Variants in DHX32 observed in about 807,000 individuals in gnomAD.
DHX32 encodes putative pre-mRNA-splicing factor ATP-dependent RNA helicase DHX32.
In DHX32, 51 loss-of-function variants were observed where a neutral mutation model predicts 70.0. That is an observed-to-expected ratio of 0.73 (90% CI 0.58 to 0.92). The LOEUF (loss-of-function observed/expected upper bound fraction) is 0.92. DHX32 is among the 40% of genes least tolerant of loss of function. The probability of loss-of-function intolerance (pLI) is 0.00; values close to 1 mark genes in which losing one functional copy is unlikely to be tolerated. For missense variants in DHX32, 762 were observed against 891.8 expected (o/e 0.85, Z 1.85); for synonymous variants, 310 against 315.3 (o/e 0.98, Z 0.18).
intron 1 of DHX32, among the ~76,000 whole-genome samples, chr10:125,886,468 C>T (rs1276873641): frequency 1.3e-5 from 2 of 152,090 alleles, no homozygotes; most frequent in East Asian, 1.9e-4. Flanking sequence ...TGCATAGTTA[C>T]GTCCTTCATT....
At chr10:125,860,688 T>C (rs1254979489) in intron 2 of DHX32, among the ~76,000 whole-genome samples, 1 of 151,602 alleles carries the variant, frequency 6.6e-6, no homozygotes, top group Non-Finnish European at 1.5e-5. Context: ...CTAAGCTTAA[T>C]GAAAATAACT....
chr10:125,881,016 T>C lies in DHX32; in HGVS notation c.-192A>G. ...TGTTCTCCGTTGCTGTGTTACCCAC[T>C]GTGCTGGCTCACTACAGCACTCTTC... On this transcript the variant is annotated 5_prime_UTR_variant, in exon 1 of 11. Coordinates refer to ENST00000284690, the MANE Select transcript of DHX32 (RefSeq NM_018180.3). 1.6e-6 allele frequency: 1 copy of C among 628,762 alleles called. No homozygotes were observed. Among genetic ancestry groups the C allele is most frequent in the Non-Finnish European group, 2.7e-6 (1 of 373,260 alleles). The allele number at this position is 628,762 out of a possible 1,614,324, so 38.9% of individuals were successfully genotyped here. A position where few individuals can be genotyped will look rare whatever the true frequency, so the allele number is the denominator to read the frequency against.
At chr10:125,860,954 G>A (rs1406595525) in intron 2 of DHX32, among the ~76,000 whole-genome samples, 4 of 151,470 alleles carry the variant, frequency 2.6e-5, no homozygotes, top group Non-Finnish European at 4.4e-5. Context: ...AGATTTCACC[G>A]TGTTAGCCAG....
chr10:125,867,011 C>T lies in DHX32; in HGVS notation c.455G>A (p.Cys152Tyr). The change falls in exon 2 of 11, where the codon TGT (cysteine) becomes TAT (tyrosine). Residue 152 changes from cysteine (C) to tyrosine (Y), a missense_variant. Around this residue, in one of 3 missense-constraint regions of DHX32, gnomAD observed 394 missense variants for 473.1 expected, o/e 0.83. Transcript: ENST00000284690. ...CAACCTCAGGATTGTTTCGTTGGTA[C>T]AGCAGTTCTCGAAAGGGATCACGTA... ...VGYVIPFENC[C>Y]TNETILRYCT... is the part of the protein sequence containing the mutation. 6.2e-7 allele frequency: 1 copy of T among 1,613,878 alleles called. No individual in the cohort carries two copies. Among genetic ancestry groups the T allele is most frequent in the Non-Finnish European group, 8.5e-7 (1 of 1,179,836 alleles).
At chr10:125,861,048 G>A (rs1164612310) in intron 2 of DHX32, among the ~76,000 whole-genome samples, 2 of 151,212 alleles carry the variant, frequency 1.3e-5, no homozygotes, top group African/African-American at 4.9e-5. Flanking sequence ...CACCGCGCCC[G>A]GCCCCAATCC....
chr10:125,887,623 ATGTGTTTGTG>A (rs2134079515), intron 1 of DHX32, among the ~76,000 whole-genome samples: 1 of 151,618 alleles, frequency 6.6e-6, no homozygotes, highest in Non-Finnish European at 1.5e-5. Flanking sequence ...TTTACATTGT[ATGTGTTTGTG>A]TGTGTGTTTT....
chr10:125,882,632 C>T (rs552039200), upstream of DHX32, among the ~76,000 whole-genome samples: 1 of 152,168 alleles, frequency 6.6e-6, no homozygotes, highest in South Asian at 2.1e-4. Context: ...TAGCTCTTCC[C>T]AAGTAAAGTT....
upstream of DHX32, among the ~76,000 whole-genome samples, chr10:125,884,245 G>A (rs1944332006): frequency 1.3e-5 from 2 of 152,176 alleles, no homozygotes; most frequent in Admixed American, 1.3e-4. Context: ...TGCAACTGGT[G>A]TAAGCCATGT....
Position 125,836,445 on chromosome 10 carries a change from G to A in DHX32, c.*242C>T. On this transcript the variant is annotated 3_prime_UTR_variant, in exon 11 of 11. Coordinates refer to ENST00000284690, the MANE Select transcript of DHX32 (RefSeq NM_018180.3). ...CAAAATACCAGTTTTTTAAAATTTTGGTCAAATTATGAGTGGTTGATTTAA... is the reference window on the plus strand; with the variant it reads ...CAAAATACCAGTTTTTTAAAATTTTAGTCAAATTATGAGTGGTTGATTTAA... 1.4e-6 allele frequency: 2 copies of A among 1,422,648 alleles called. No individual in the cohort carries two copies. Among genetic ancestry groups the A allele is most frequent in the South Asian group, 1.6e-5 (1 of 60,784 alleles). The allele number at this position is 1,422,648 out of a possible 1,614,324, so 88.1% of individuals were successfully genotyped here.
intron 4 of DHX32, chr10:125,853,034 T>C (rs41305020): frequency 0.061 from 54,785 of 895,318 alleles, 2,155 homozygotes; most frequent in Middle Eastern, 0.12. Context: ...AGGATCTTGG[T>C]GGTCTCACCT....
intron 6 of DHX32, among the ~76,000 whole-genome samples, chr10:125,844,843 C>T (rs747627043): frequency 3.9e-5 from 6 of 152,234 alleles, no homozygotes; most frequent in Non-Finnish European, 7.3e-5. Context: ...CTTTATTAAG[C>T]TCGCTTGCCA....
At chr10:125,887,593 G>A (rs797020505) in intron 1 of DHX32, among the ~76,000 whole-genome samples, 1 of 151,814 alleles carries the variant, frequency 6.6e-6, no homozygotes, top group Non-Finnish European at 1.5e-5. Flanking sequence ...TTAAATTTCA[G>A]GTTACAGTCT....
chr10:125,893,608 T>C (rs917876104), intron 1 of DHX32, among the ~76,000 whole-genome samples: 7 of 152,182 alleles, frequency 4.6e-5, no homozygotes, highest in African/African-American at 1.7e-4. Context: ...GTGCAACAAA[T>C]TGAATGTAGA....
intron 6 of DHX32, among the ~76,000 whole-genome samples, chr10:125,847,945 C>T (rs765003507): frequency 2.0e-5 from 3 of 152,224 alleles, no homozygotes; most frequent in Admixed American, 6.5e-5. Context: ...CCCCACTCAC[C>T]TCCTGCTGTC....
At chr10:125,875,469 G>A (rs555895543) in intron 1 of DHX32, among the ~76,000 whole-genome samples, 1 of 152,258 alleles carries the variant, frequency 6.6e-6, no homozygotes, top group African/African-American at 2.4e-5. Context: ...GAACAACAAA[G>A]TAAGTAGGCT....
chr10:125,877,411 G>T (rs1249886798), intron 1 of DHX32, among the ~76,000 whole-genome samples: 2 of 152,138 alleles, frequency 1.3e-5, no homozygotes, highest in Non-Finnish European at 2.9e-5. Flanking sequence ...TTTAGGGCAG[G>T]TACAGTGGCT....
rs1470289215 is a variant in DHX32 at position 125,838,912 on chromosome 10, A to C, written c.1881+89T>G. ...GATTTTTAGTTTTACTTAATGTCAA[A>C]ATCATCATCCTAAGCCATTGTTGGC... On this transcript the variant is annotated intron_variant, in intron 9 of 10. Coordinates refer to ENST00000284690, the MANE Select transcript of DHX32 (RefSeq NM_018180.3). The C allele has an allele frequency of 2.2e-6, 3 of 1,365,234 alleles. No homozygotes were observed. In the East Asian group the frequency reaches 7.0e-5, roughly 32 times the overall value. 84.6% of individuals were successfully genotyped at this position (1,365,234 alleles called of 1,614,324 possible). A position where few individuals can be genotyped will look rare whatever the true frequency, so the allele number is the denominator to read the frequency against.
Position 125,859,029 on chromosome 10 carries a change from T to G in DHX32, c.849+574A>C, listed in dbSNP as rs151192767. On this transcript the variant is annotated intron_variant, in intron 3 of 10. Transcript: ENST00000284690. ...AGAAATCTGAGTTAAAGGTTTTTTT[T>G]TTTGTTTGTTTGTTTGTTTTTTTTT... 6.6e-3 allele frequency among the ~76,000 whole-genome samples: 965 copies of G among 146,640 alleles called. 2 individuals carry two copies. The highest frequency in any genetic ancestry group is 0.017 in the African/African-American group (654 of 39,460).
rs1428064259 is a variant in DHX32, at chr10:125,859,930, A to T, written c.522T>A (p.Pro174=). Reference sequence around the variant, plus strand: ...TGATGACCCCATAGCTACCCAAAAAAGGATTGGACATCATTTCTCTTTGCA... The same window carrying T: ...TGATGACCCCATAGCTACCCAAAAATGGATTGGACATCATTTCTCTTTGCA... ...DMLQREMMSN[P]FLGSYGVIIL... The change falls in exon 3 of 11, where the codon CCT becomes CCA. Residue 174 remains proline, a synonymous_variant. Coordinates refer to ENST00000284690, the MANE Select transcript of DHX32 (RefSeq NM_018180.3). 11 of 1,610,720 alleles carry T rather than the reference A, an allele frequency of 6.8e-6. No homozygotes were observed. Among genetic ancestry groups the T allele is most frequent in the Non-Finnish European group, 9.3e-6 (11 of 1,178,744 alleles).
Sources: gnomAD v4.1 joint callset for allele counts (sites outside exome capture counted in the v4.1 genomes callset) on GRCh38, gnomAD v4.1.1 for gene constraint, gnomAD v4.1.1 regional missense constraint, MANE v1.5 for transcripts, NCBI Gene and HGNC (gene_info 2026-07-23, HGNC 2026-07-21) for gene names.